The following XIRP2 variants were observed in gnomAD, a reference collection of about 807,000 sequenced individuals.
XIRP2 encodes the protein xin actin binding repeat containing 2.
In XIRP2, 236 loss-of-function variants were observed where a neutral mutation model predicts 277.0. The observed-to-expected ratio is 0.85, with a 90% CI of 0.77 to 0.95. The LOEUF (loss-of-function observed/expected upper bound fraction) is 0.95. XIRP2 is among the 40% of genes least tolerant of loss of function. The pLI is 0.00. For missense variants in XIRP2, 4,640 were observed against 4,157.5 expected, an observed-to-expected ratio of 1.12 and a Z score of -3.19; for synonymous variants, 1,490 against 1,416.5, an observed-to-expected ratio of 1.05 and a Z score of -1.17.
intron 2 of XIRP2, among the ~76,000 whole-genome samples, chr2:166,904,885 C>A (rs758118419): frequency 2.0e-5 from 3 of 152,034 alleles, no homozygotes; most frequent in Non-Finnish European, 2.9e-5. Context: ...GAAGCCATCA[C>A]AGAAATAGAA....
intron 2 of XIRP2, among the ~76,000 whole-genome samples, chr2:167,062,607 CTT>C (rs1330378070): frequency 1.3e-5 from 2 of 152,098 alleles, no homozygotes; most frequent in Non-Finnish European, 2.9e-5. Flanking sequence ...TAACTGTAAT[CTT>C]TAATGGAATT....
intron 3 of XIRP2, among the ~76,000 whole-genome samples, chr2:167,178,627 A>G (rs1179669478): frequency 1.3e-5 from 2 of 151,770 alleles, no homozygotes; most frequent in South Asian, 2.1e-4. Context: ...AGTGAGCCAT[A>G]TTTGTTCATA....
chr2:166,903,401 T>C (rs1329898509), intron 1 of XIRP2, 64 bp from the exon 2 acceptor site: 25 of 1,488,758 alleles, frequency 1.7e-5, no homozygotes, highest in Non-Finnish European at 2.2e-5. Flanking sequence ...CTAGAGTATT[T>C]TGAGTCTGAA....
chr2:166,928,024 T>G (rs1685235925), intron 2 of XIRP2, among the ~76,000 whole-genome samples: 1 of 152,072 alleles, frequency 6.6e-6, no homozygotes, highest in East Asian at 1.9e-4. Flanking sequence ...ATATGTAAAT[T>G]TTTTTTCTCT....
chr2:167,136,637 T>G (rs1159039313), intron 3 of XIRP2, among the ~76,000 whole-genome samples: 1 of 152,206 alleles, frequency 6.6e-6, no homozygotes, highest in East Asian at 1.9e-4. Context: ...ACACTATTAA[T>G]ATTATTTTCA....
chr2:167,213,848 A>G (rs1477411399), intron 4 of XIRP2, among the ~76,000 whole-genome samples: 3 of 152,170 alleles, frequency 2.0e-5, no homozygotes, highest in Non-Finnish European at 4.4e-5. Context: ...ATATTTCAGA[A>G]GATTTGTCTC....
intron 3 of XIRP2, among the ~76,000 whole-genome samples, chr2:167,192,294 G>A (rs934550492): frequency 6.6e-6 from 1 of 152,042 alleles, no homozygotes; most frequent in Non-Finnish European, 1.5e-5. Context: ...GATAAGTAGA[G>A]TCACATTTCC....
chr2:166,928,554 C>T (rs2105365756), intron 2 of XIRP2, among the ~76,000 whole-genome samples: 1 of 152,208 alleles, frequency 6.6e-6, no homozygotes, highest in South Asian at 2.1e-4. Flanking sequence ...TTTGCAGTTG[C>T]TAGCTGCATT....
chr2:167,000,198 C>A (rs1464923655), intron 2 of XIRP2, among the ~76,000 whole-genome samples: 1 of 152,000 alleles, frequency 6.6e-6, no homozygotes, highest in Non-Finnish European at 1.5e-5. Context: ...TGAAAGTATT[C>A]CTCTTGTGCC....
At chr2:167,131,599 T>C (rs758207026) in intron 2 of XIRP2, among the ~76,000 whole-genome samples, 33 of 152,204 alleles carry the variant, frequency 2.2e-4, no homozygotes, top group South Asian at 6.2e-4. Flanking sequence ...AAATTAATAC[T>C]TTCAATACAA....
At chr2:166,972,087 C>T (rs1055618180) in intron 2 of XIRP2, among the ~76,000 whole-genome samples, 2 of 152,022 alleles carry the variant, frequency 1.3e-5, no homozygotes, top group African/African-American at 4.8e-5. Context: ...CCCCACCTCC[C>T]GCCCCATAAT....
chr2:167,184,908 G>A (rs1180690625), intron 3 of XIRP2, among the ~76,000 whole-genome samples: 1 of 152,090 alleles, frequency 6.6e-6, no homozygotes, highest in Non-Finnish European at 1.5e-5. Context: ...CAATTTGAAT[G>A]TACTAAGTTT....
chr2:167,073,146 A>G (rs2105253111), intron 2 of XIRP2, among the ~76,000 whole-genome samples: 1 of 152,234 alleles, frequency 6.6e-6, no homozygotes, highest in East Asian at 1.9e-4. Context: ...AGCTTTACAG[A>G]TTTGAATTAT....
At chr2:166,905,423 C>A (rs773568417) in intron 2 of XIRP2, among the ~76,000 whole-genome samples, 3 of 151,834 alleles carry the variant, frequency 2.0e-5, no homozygotes, top group Non-Finnish European at 4.4e-5. Context: ...AAGATAATAA[C>A]ACATTAATGA....
At position 167,210,982 on chromosome 2, in the gene XIRP2, A is replaced by G. The variant is rs1344125260; in HGVS notation, c.723+87A>G. ...TTTATATTTGAAATGTAAGAATACT[A>G]CTGGACAGGGGGCTAAAGTAGAAAG... On this transcript the variant is annotated intron_variant, in intron 4 of 10. Transcript: ENST00000409195. The G allele has an allele frequency of 1.9e-5, 29 of 1,505,896 alleles. No homozygotes were observed. The East Asian group carries it at 6.7e-4, about 35-fold the overall frequency. The allele number at this position is 1,505,896 out of a possible 1,614,324, so 93.3% of individuals were successfully genotyped here. A position where few individuals can be genotyped will look rare whatever the true frequency, so the allele number is the denominator to read the frequency against.
At chr2:167,202,248 T>C (rs1693741796) in intron 3 of XIRP2, among the ~76,000 whole-genome samples, 1 of 152,134 alleles carries the variant, frequency 6.6e-6, no homozygotes, top group Admixed American at 6.5e-5. Flanking sequence ...ACTGGCCAAA[T>C]CTCTAAGCTA....
chr2:167,139,970 C>T (rs530855923), intron 3 of XIRP2, among the ~76,000 whole-genome samples: 1 of 152,258 alleles, frequency 6.6e-6, no homozygotes, highest in Admixed American at 6.5e-5. Flanking sequence ...AGAGTTGATC[C>T]AGATGCTAAT....
intron 2 of XIRP2, among the ~76,000 whole-genome samples, chr2:167,119,040 A>C (rs1690976268): frequency 6.6e-6 from 1 of 152,162 alleles, no homozygotes; most frequent in African/African-American, 2.4e-5. Context: ...TTAAGCAGCA[A>C]GGAAGGTGTT....
At chr2:167,033,509 C>A (rs1259540048) in intron 2 of XIRP2, among the ~76,000 whole-genome samples, 1 of 151,968 alleles carries the variant, frequency 6.6e-6, no homozygotes, top group Non-Finnish European at 1.5e-5. Flanking sequence ...TATCAATATT[C>A]AAGTACAAGA....
Sources: allele counts gnomAD v4.1 joint callset (sites outside exome capture counted in the v4.1 genomes callset), GRCh38; gene constraint gnomAD v4.1.1; transcripts MANE v1.5; gene names NCBI Gene and HGNC (gene_info 2026-07-23, HGNC 2026-07-21).